CDH13: variants seen among roughly 807,000 people sequenced by gnomAD.
The protein encoded by CDH13 is cadherin-13.
Under a neutral mutation model 63.8 loss-of-function variants are expected in CDH13, and 24 were observed. That is an observed-to-expected ratio of 0.38 (90% CI 0.27 to 0.53). The LOEUF (loss-of-function observed/expected upper bound fraction) is 0.53, where lower values mean the gene tolerates loss of function less well. CDH13 is among the 20% of genes least tolerant of loss of function. CDH13 has a pLI of 0.85. For missense variants in CDH13, 1,049 were observed against 903.1 expected (o/e 1.16, Z -2.07); for synonymous variants, 503 against 355.3 (o/e 1.42, Z -4.67).
intron 1 of CDH13, among the ~76,000 whole-genome samples, chr16:82,814,930 G>A (rs73606834): frequency 0.019 from 2,915 of 152,234 alleles, 97 homozygotes; most frequent in African/African-American, 0.065. Context: ...CTGAAGAATG[G>A]CTTGATGTAT....
intron 2 of CDH13, among the ~76,000 whole-genome samples, chr16:82,976,356 T>G (rs947221025): frequency 2.0e-5 from 3 of 152,160 alleles, no homozygotes; most frequent in African/African-American, 7.2e-5. Context: ...TCTTCCTACC[T>G]TTATTAGAGA....
chr16:83,774,255 T>C (rs1914955504), intron 11 of CDH13, among the ~76,000 whole-genome samples: 1 of 152,186 alleles, frequency 6.6e-6, no homozygotes, highest in African/African-American at 2.4e-5. Flanking sequence ...GAAATGATGA[T>C]TCCTTGGGTA....
rs141741352 is a variant in CDH13 at position 83,696,767 on chromosome 16, C to T, written c.1538+18306C>T. Among the ~76,000 whole-genome samples the T allele has an allele frequency of 2.0e-5, 3 of 152,324 alleles. No individual in the cohort carries two copies. In the East Asian group the frequency reaches 5.8e-4, roughly 29 times the overall value. Reference sequence around the variant, plus strand: ...CTTTGTCTAAGCCACCACCATCGTTCACCCAGATGACAATAATTGCCCTAA... The same window carrying T: ...CTTTGTCTAAGCCACCACCATCGTTTACCCAGATGACAATAATTGCCCTAA... On this transcript the variant is annotated intron_variant, in intron 10 of 13. Transcript: ENST00000567109.
At chr16:82,697,835 T>C (rs1025084598) in intron 1 of CDH13, among the ~76,000 whole-genome samples, 1 of 152,026 alleles carries the variant, frequency 6.6e-6, no homozygotes, top group African/African-American at 2.4e-5. Flanking sequence ...TTTGAATATA[T>C]AGAATTTATA....
intron 5 of CDH13, among the ~76,000 whole-genome samples, chr16:83,249,527 C>G (rs777674793): frequency 6.6e-5 from 10 of 152,120 alleles, no homozygotes; most frequent in South Asian, 2.1e-4. Context: ...TCATTTAATC[C>G]CAATAGCTAC....
chr16:82,899,330 T>C (rs1373431927), intron 2 of CDH13, among the ~76,000 whole-genome samples: 1 of 152,182 alleles, frequency 6.6e-6, no homozygotes, highest in Non-Finnish European at 1.5e-5. Context: ...GTTTAAGAGA[T>C]TATTCTTTTA....
intron 4 of CDH13, among the ~76,000 whole-genome samples, chr16:83,200,921 ATGTGTGTGTG>A (rs374017580): frequency 0.023 from 2,968 of 129,726 alleles, 38 homozygotes; most frequent in Middle Eastern, 0.05. Flanking sequence ...AGTCTTAAAA[ATGTGTGTGTG>A]TGTGTGTGTG....
intron 5 of CDH13, among the ~76,000 whole-genome samples, chr16:83,239,261 T>A (rs1040711202): frequency 9.9e-5 from 15 of 152,028 alleles, no homozygotes; most frequent in African/African-American, 3.6e-4. Flanking sequence ...GCTCCTCAAG[T>A]TGGAAATAAA....
At chr16:83,765,263 A>T (rs919211377) in intron 11 of CDH13, among the ~76,000 whole-genome samples, 13 of 152,200 alleles carry the variant, frequency 8.5e-5, no homozygotes, top group Non-Finnish European at 1.9e-4. Context: ...GAATAAAATG[A>T]AACTGTCATG....
chr16:82,912,989 C>T (rs990229720), intron 2 of CDH13, among the ~76,000 whole-genome samples: 4 of 150,150 alleles, frequency 2.7e-5, no homozygotes, highest in Admixed American at 2.0e-4. Flanking sequence ...TCTTTTTCAA[C>T]GTTTGTTGTC....
At chr16:83,273,458 T>A (rs1211685189) in intron 5 of CDH13, among the ~76,000 whole-genome samples, 1 of 152,148 alleles carries the variant, frequency 6.6e-6, no homozygotes, top group Admixed American at 6.5e-5. Flanking sequence ...GGGCATTTGC[T>A]TTTTTCTTCC....
At chr16:82,942,705 G>T (rs1167489004) in intron 2 of CDH13, among the ~76,000 whole-genome samples, 1 of 152,124 alleles carries the variant, frequency 6.6e-6, no homozygotes, top group Non-Finnish European at 1.5e-5. Context: ...CCAAGAAGAA[G>T]TCAAATAACC....
At chr16:83,564,654 C>T (rs1460324072) in intron 7 of CDH13, among the ~76,000 whole-genome samples, 2 of 152,120 alleles carry the variant, frequency 1.3e-5, no homozygotes, top group Non-Finnish European at 2.9e-5. Context: ...GGTGATCCAC[C>T]TCCCTCGGCC....
chr16:83,073,833 G>C (rs1422219956), intron 3 of CDH13, among the ~76,000 whole-genome samples: 1 of 151,928 alleles, frequency 6.6e-6, no homozygotes, highest in Non-Finnish European at 1.5e-5. Context: ...TTGTCTACCA[G>C]TGACAGATTT....
chr16:82,834,835 C>G (rs1160425456), intron 1 of CDH13, among the ~76,000 whole-genome samples: 4 of 152,206 alleles, frequency 2.6e-5, no homozygotes, highest in African/African-American at 4.8e-5. Context: ...GGACAACTAG[C>G]AAGCTAAAAT....
At chr16:82,855,304 A>G (rs1289059269) in intron 1 of CDH13, among the ~76,000 whole-genome samples, 1 of 152,194 alleles carries the variant, frequency 6.6e-6, no homozygotes, top group East Asian at 1.9e-4. Flanking sequence ...TCACCTGCAG[A>G]GTGCTGTTTC....
At chr16:82,674,475 C>G (rs963190819) in intron 1 of CDH13, among the ~76,000 whole-genome samples, 2 of 152,174 alleles carry the variant, frequency 1.3e-5, no homozygotes. Context: ...CATTCTGTCT[C>G]CATGATATCA....
chr16:83,229,167 T>C lies in CDH13; in HGVS notation c.636+11670T>C, dbSNP rs17749513. 2.5e-3 allele frequency among the ~76,000 whole-genome samples: 378 copies of C among 152,278 alleles called. 2 individuals are homozygous for C. The highest frequency in any genetic ancestry group is 4.4e-3 in the Non-Finnish European group (301 of 68,026). Reference sequence around the variant, plus strand: ...TCTCAGGAAGGGAGTGACATCCAATTTGCATTTCAAGAAGATAAGATTTAT... The same window carrying C: ...TCTCAGGAAGGGAGTGACATCCAATCTGCATTTCAAGAAGATAAGATTTAT... On this transcript the variant is annotated intron_variant, in intron 5 of 13. Coordinates refer to ENST00000567109, the MANE Select transcript of CDH13 (RefSeq NM_001257.5).
chr16:82,762,279 C>T (rs16958546), intron 1 of CDH13, among the ~76,000 whole-genome samples: 2 of 152,086 alleles, frequency 1.3e-5, no homozygotes, highest in South Asian at 4.1e-4. Flanking sequence ...ATTTTTAAGA[C>T]TTCTGTGCCG....
Sources: gnomAD v4.1 joint callset for allele counts (sites outside exome capture counted in the v4.1 genomes callset) on GRCh38, gnomAD v4.1.1 for gene constraint, MANE v1.5 for transcripts, NCBI Gene and HGNC (gene_info 2026-07-23, HGNC 2026-07-21) for gene names.